Variants in DRC11 observed in about 807,000 individuals in gnomAD.
The protein encoded by DRC11 is IQ and AAA domain-containing protein 1.
the DRC11 span, among the ~76,000 whole-genome samples, chr2:236,491,046 G>GTATATATATATATATA: frequency 7.8e-6 from 1 of 128,262 alleles, no homozygotes; most frequent in African/African-American, 3.2e-5. Context: ...TATATATACA[G>GTATATATATATATATA]TATATATATA....
At chr2:236,368,152 G>T in the DRC11 span, 2 of 1,201,356 alleles carry the variant, frequency 1.7e-6, no homozygotes, top group Non-Finnish European at 2.4e-6. Context: ...AGCGGTGCAA[G>T]CTGCTTTGGA....
the DRC11 span, among the ~76,000 whole-genome samples, chr2:236,315,941 T>C: frequency 6.6e-6 from 1 of 152,110 alleles, no homozygotes; most frequent in African/African-American, 2.4e-5. This position sits in a 1 kb window ranked among gnomAD's most constrained non-coding sequence, Gnocchi z 5.1. Context: ...CAAACCACCA[T>C]GGCACACATT....
the DRC11 span, chr2:236,368,158 T>G: frequency 6.9e-6 from 9 of 1,296,206 alleles, no homozygotes; most frequent in South Asian, 1.1e-4. Flanking sequence ...GCAAGCTGCT[T>G]TGGAAAAGGC....
the DRC11 span, among the ~76,000 whole-genome samples, chr2:236,414,299 C>T: frequency 2.0e-5 from 3 of 152,082 alleles, no homozygotes; most frequent in African/African-American, 4.8e-5. Context: ...GACCTCTTTG[C>T]CTAGCTCTAG....
At chr2:236,477,894 T>C in the DRC11 span, among the ~76,000 whole-genome samples, 1 of 152,242 alleles carries the variant, frequency 6.6e-6, no homozygotes, top group African/African-American at 2.4e-5. Flanking sequence ...TCCTCTTAAA[T>C]GTCTGATTTC....
the DRC11 span, among the ~76,000 whole-genome samples, chr2:236,491,171 ATATATATATACACACAG>A: frequency 1.2e-5 from 1 of 80,038 alleles, no homozygotes; most frequent in African/African-American, 6.1e-5. Context: ...ATATATATAT[ATATATATATACACACAG>A]TATATATATA....
the DRC11 span, among the ~76,000 whole-genome samples, chr2:236,350,006 C>T: frequency 1.8e-4 from 28 of 152,346 alleles, 1 homozygote; most frequent in Non-Finnish European, 3.4e-4. This position sits in a 1 kb window ranked among gnomAD's most constrained non-coding sequence, Gnocchi z 5.2. Context: ...ATTGGGGCCT[C>T]TATTTTCTCA....
At chr2:236,392,587 TGA>T in the DRC11 span, among the ~76,000 whole-genome samples, 1 of 152,238 alleles carries the variant, frequency 6.6e-6, no homozygotes, top group African/African-American at 2.4e-5. The surrounding 1 kb of genome is among the most constrained non-coding windows in gnomAD (Gnocchi z 5.1). Context: ...GTAAAAATAT[TGA>T]GTTTTAGTTT....
chr2:236,428,424 G>A, the DRC11 span, among the ~76,000 whole-genome samples: 2 of 151,878 alleles, frequency 1.3e-5, no homozygotes, highest in African/African-American at 4.8e-5. Context: ...CTGATGTTTG[G>A]TACATATATA....
At chr2:236,373,155 CTTTA>C in the DRC11 span, among the ~76,000 whole-genome samples, 1 of 151,416 alleles carries the variant, frequency 6.6e-6, no homozygotes, top group South Asian at 2.1e-4. Context: ...ACATTTTCCC[CTTTA>C]TTTATATTTA....
At chr2:236,410,699 C>T in the DRC11 span, among the ~76,000 whole-genome samples, 988 of 146,536 alleles carry the variant, frequency 6.7e-3, 11 homozygotes, top group African/African-American at 0.025. Context: ...AAAACAGAGA[C>T]ATAGATCAAT....
At chr2:236,314,528 T>C in the DRC11 span, among the ~76,000 whole-genome samples, 1 of 152,112 alleles carries the variant, frequency 6.6e-6, no homozygotes, top group Non-Finnish European at 1.5e-5. This position sits in a 1 kb window ranked among gnomAD's most constrained non-coding sequence, Gnocchi z 4.5. Flanking sequence ...AACTGTAATT[T>C]TCCAAAGGCA....
the DRC11 span, among the ~76,000 whole-genome samples, chr2:236,322,482 G>A: frequency 2.0e-5 from 3 of 151,956 alleles, no homozygotes; most frequent in Non-Finnish European, 4.4e-5. Context: ...TCCTGACCTC[G>A]TGATCCACCC....
At chr2:236,488,014 G>C in the DRC11 span, 2 of 1,592,444 alleles carry the variant, frequency 1.3e-6, no homozygotes, top group Non-Finnish European at 1.7e-6. Flanking sequence ...TGAATGCGGA[G>C]TGCAGCAGCC....
the DRC11 span, among the ~76,000 whole-genome samples, chr2:236,504,123 C>G: frequency 6.6e-6 from 1 of 151,878 alleles, no homozygotes; most frequent in Non-Finnish European, 1.5e-5. The surrounding 1 kb of genome is among the most constrained non-coding windows in gnomAD (Gnocchi z 5.0). Flanking sequence ...CCTCCCTGCC[C>G]TTGGCAACCC....
chr2:236,401,095 C>T, the DRC11 span, among the ~76,000 whole-genome samples: 2 of 152,128 alleles, frequency 1.3e-5, no homozygotes, highest in African/African-American at 2.4e-5. The surrounding 1 kb of genome is among the most constrained non-coding windows in gnomAD (Gnocchi z 4.6). Flanking sequence ...CCGTTCCCCA[C>T]AGGACACAGT....
chr2:236,453,625 C>T, the DRC11 span, among the ~76,000 whole-genome samples: 2 of 152,100 alleles, frequency 1.3e-5, no homozygotes, highest in Non-Finnish European at 2.9e-5. The surrounding 1 kb of genome is among the most constrained non-coding windows in gnomAD (Gnocchi z 4.9). Context: ...TCCACTTTCC[C>T]AGGATAGCAC....
chr2:236,353,382 T>C, the DRC11 span, among the ~76,000 whole-genome samples: 3 of 152,216 alleles, frequency 2.0e-5, no homozygotes. This position sits in a 1 kb window ranked among gnomAD's most constrained non-coding sequence, Gnocchi z 5.0. Flanking sequence ...TCCACATGCA[T>C]TTTATGGGCT....
chr2:236,488,150 T>C, the DRC11 span: 3 of 1,606,922 alleles, frequency 1.9e-6, no homozygotes, highest in Middle Eastern at 1.7e-4. Context: ...TCTGGATTAA[T>C]TTAACAGCCT....
Sources: gnomAD v4.1 joint callset for allele counts (sites outside exome capture counted in the v4.1 genomes callset) on GRCh38, gnomAD v4.1.1 for gene constraint, Gnocchi (gnomAD v3.1) non-coding constraint, MANE v1.5 for transcripts, NCBI Gene and HGNC (gene_info 2026-07-23, HGNC 2026-07-21) for gene names.